Variants in CFAP20DC observed in about 807,000 individuals in gnomAD.
CFAP20DC encodes CFAP20 domain containing.
In CFAP20DC, 84 loss-of-function variants were observed where a neutral mutation model predicts 101.7. The observed-to-expected ratio is 0.83, with a 90% CI of 0.69 to 0.99. CFAP20DC has a LOEUF of 0.99. Ranked by LOEUF, CFAP20DC falls within the 50% of genes least tolerant of loss-of-function variation. The pLI is 0.00. For missense variants in CFAP20DC, 1,007 were observed against 970.3 expected, an observed-to-expected ratio of 1.04 and a Z score of -0.50; for synonymous variants, 359 against 351.2, an observed-to-expected ratio of 1.02 and a Z score of -0.25.
intron 5 of CFAP20DC, among the ~76,000 whole-genome samples, chr3:58,923,760 T>G (rs761883472): frequency 2.6e-5 from 4 of 152,220 alleles, no homozygotes; most frequent in Non-Finnish European, 5.9e-5. Context: ...TTTGTTGAGC[T>G]TATTCAATCT....
intron 11 of CFAP20DC, 100 bp downstream of exon 11, chr3:58,866,466 T>C (rs1012102075): frequency 2.1e-6 from 2 of 944,934 alleles, no homozygotes; most frequent in Non-Finnish European, 1.5e-6. Context: ...TTTTAGCAAA[T>C]CGGCTGCATC....
At chr3:58,796,917 T>G (rs560708503) in intron 15 of CFAP20DC, among the ~76,000 whole-genome samples, 4 of 152,316 alleles carry the variant, frequency 2.6e-5, no homozygotes, top group African/African-American at 9.6e-5. Context: ...ACTATCAAAT[T>G]GTTTTGGGAC....
In CFAP20DC at chr3:58,859,926, C is replaced by T. The variant is rs2079108353; in HGVS notation, c.1593+3632G>A. On this transcript the variant is annotated intron_variant, in intron 12 of 16. Transcript: ENST00000482387. This position sits in a 1 kb window ranked among gnomAD's most constrained non-coding sequence, Gnocchi z 4.1. Reference sequence around the variant, plus strand: ...AGGCGCGATGGCTCATGCCTGTAATCCCAGCACTTTCGGAAGCCGAGGCAG... The same window carrying T: ...AGGCGCGATGGCTCATGCCTGTAATTCCAGCACTTTCGGAAGCCGAGGCAG... 6.6e-6 allele frequency among the ~76,000 whole-genome samples: 1 copy of T among 152,106 alleles called. No individual in the cohort carries two copies. The highest frequency in any genetic ancestry group is 3.4e-3 in the Middle Eastern group (1 of 294).
intron 10 of CFAP20DC, 90 bp downstream of exon 10, chr3:58,867,727 A>G: frequency 6.8e-7 from 1 of 1,476,032 alleles, no homozygotes; most frequent in Non-Finnish European, 9.4e-7. Flanking sequence ...GGATTGGTTC[A>G]TAATCCTTTG....
chr3:58,961,947 T>C (rs1452450032), intron 4 of CFAP20DC, among the ~76,000 whole-genome samples: 1 of 152,174 alleles, frequency 6.6e-6, no homozygotes, highest in Non-Finnish European at 1.5e-5. Context: ...GGTTTGTAAG[T>C]TTTGTCCATC....
intron 15 of CFAP20DC, among the ~76,000 whole-genome samples, chr3:58,761,840 A>T (rs1326163499): frequency 6.6e-6 from 1 of 152,038 alleles, no homozygotes; most frequent in Non-Finnish European, 1.5e-5. Flanking sequence ...CATGTAGTTG[A>T]GCGGTTTTGA....
chr3:58,941,327 C>CAAAAAAAAAAAAAAAAAAA (rs752324535), intron 4 of CFAP20DC, among the ~76,000 whole-genome samples: 2 of 19,510 alleles, frequency 1.0e-4, no homozygotes, highest in African/African-American at 3.7e-4. Flanking sequence ...GACTCCGTCT[C>CAAAAAAAAAAAAAAAAAAA]AAAAAAAAAA....
chr3:58,896,431 G>A (rs915138710), intron 6 of CFAP20DC, among the ~76,000 whole-genome samples: 1 of 151,682 alleles, frequency 6.6e-6, no homozygotes, highest in Non-Finnish European at 1.5e-5. Flanking sequence ...GCTAGCTTTG[G>A]GGTTTGTTTG....
chr3:58,924,587 CAT>C (rs2085745478), intron 5 of CFAP20DC, among the ~76,000 whole-genome samples: 1 of 152,114 alleles, frequency 6.6e-6, no homozygotes, highest in African/African-American at 2.4e-5. Context: ...TTAGGGTAGA[CAT>C]CCAGTAGTGG....
At chr3:58,982,951 G>A (rs950233146) in intron 4 of CFAP20DC, among the ~76,000 whole-genome samples, 7 of 152,098 alleles carry the variant, frequency 4.6e-5, no homozygotes, top group African/African-American at 1.7e-4. Flanking sequence ...AGTAAGGTAA[G>A]GAAATTTAGT....
At chr3:58,992,675 A>G (rs2092980313) in intron 4 of CFAP20DC, 1 of 420,036 alleles carries the variant, frequency 2.4e-6, no homozygotes, top group Admixed American at 6.4e-5. Flanking sequence ...ATTTACATTT[A>G]TAAATTTAGT....
intron 4 of CFAP20DC, among the ~76,000 whole-genome samples, chr3:58,951,658 C>CA (rs1440739900): frequency 1.3e-5 from 2 of 151,106 alleles, no homozygotes; most frequent in African/African-American, 2.4e-5. Flanking sequence ...ATTGCAGGGA[C>CA]AAAAAACCAA....
At chr3:58,866,442 C>A in intron 11 of CFAP20DC, 124 bp downstream of exon 11, 1 of 708,676 alleles carries the variant, frequency 1.4e-6, no homozygotes, top group Non-Finnish European at 2.2e-6. Context: ...AGAAGATTTA[C>A]ACAAACTTAC....
Position 58,742,530 on chromosome 3 carries a change from G to A in CFAP20DC, c.2375C>T (p.Thr792Ile). ...GTTCAGACAAGGGTCATACAACAAA[G>A]TCAGTACTTCCTCGTCCTCTTCCAC... ...LSVEEDEEVL[T>I]LLYDPCLNCY... is the part of the protein sequence containing the mutation. The change falls in exon 17 of 17, where the codon ACT becomes ATT. Residue 792 changes from threonine (T) to isoleucine (I), a missense_variant. Physicochemically the swap from Thr to Ile is moderately conservative, Grantham distance 89 (BLOSUM62 -1). Coordinates refer to ENST00000482387, the MANE Select transcript of CFAP20DC (RefSeq NM_001394063.1). 6.2e-7 allele frequency: 1 copy of A among 1,609,030 alleles called. No homozygotes were observed. The highest frequency in any genetic ancestry group is 8.5e-7 in the Non-Finnish European group (1 of 1,177,662).
Position 58,859,858 on chromosome 3 carries a change from T to G in CFAP20DC, c.1593+3700A>C, listed in dbSNP as rs779079892. 6.6e-6 allele frequency among the ~76,000 whole-genome samples: 1 copy of G among 152,080 alleles called. No homozygotes were observed. Among genetic ancestry groups the G allele is most frequent in the Non-Finnish European group, 1.5e-5 (1 of 68,012 alleles). On this transcript the variant is annotated intron_variant, in intron 12 of 16. Transcript: ENST00000482387. The surrounding 1 kb of genome is among the most constrained non-coding windows in gnomAD (Gnocchi z 4.1). Reference sequence around the variant, plus strand: ...TAAATATTCCTTTCCACCGTGTGTATGTAAGTGTGTGTGAGAAAGCAATTA... The same window carrying G: ...TAAATATTCCTTTCCACCGTGTGTAGGTAAGTGTGTGTGAGAAAGCAATTA...
chr3:58,720,358 G>A (rs2067454443), intron 3 of CFAP20DC, among the ~76,000 whole-genome samples: 1 of 152,204 alleles, frequency 6.6e-6, no homozygotes, highest in East Asian at 1.9e-4. Context: ...ATACCATAGA[G>A]AGTTGTCAAG....
chr3:59,025,607 A>G (rs2093879454), intron 4 of CFAP20DC, among the ~76,000 whole-genome samples: 1 of 152,260 alleles, frequency 6.6e-6, no homozygotes, highest in African/African-American at 2.4e-5. Context: ...TGTACAGATG[A>G]GGCTTTGACA....
intron 8 of CFAP20DC, 62 bp downstream of exon 8, chr3:58,870,111 A>C: frequency 1.4e-6 from 1 of 691,518 alleles, no homozygotes; most frequent in Non-Finnish European, 2.4e-6. Flanking sequence ...CTACAAGGGG[A>C]AGACACTCTT....
chr3:58,817,759 G>T (rs905159551), intron 14 of CFAP20DC, among the ~76,000 whole-genome samples: 56 of 151,998 alleles, frequency 3.7e-4, no homozygotes, highest in African/African-American at 1.2e-3. Context: ...AGAAAGGCAG[G>T]CCAACGTTCA....
Sources: gnomAD v4.1 joint callset for allele counts (sites outside exome capture counted in the v4.1 genomes callset) on GRCh38, gnomAD v4.1.1 for gene constraint, Gnocchi (gnomAD v3.1) non-coding constraint, MANE v1.5 for transcripts, NCBI Gene and HGNC (gene_info 2026-07-23, HGNC 2026-07-21) for gene names.